The following RALGAPA2 variants were observed in gnomAD, a reference collection of about 807,000 sequenced individuals.
RALGAPA2 encodes the protein Ral GTPase activating protein catalytic subunit alpha 2.
RALGAPA2 carries 139 observed loss-of-function variants against 230.4 expected under a neutral mutation model. The observed-to-expected ratio is 0.60, with a 90% CI of 0.53 to 0.69. RALGAPA2 has a LOEUF of 0.69. Ranked by LOEUF, RALGAPA2 falls within the 30% of genes least tolerant of loss-of-function variation. The probability of loss-of-function intolerance (pLI) is 0.00; values close to 1 mark genes in which losing one functional copy is unlikely to be tolerated. For synonymous variants in RALGAPA2, 847 were observed against 837.8 expected, an observed-to-expected ratio of 1.01 and a Z score of -0.19; for missense variants, 2,163 against 2,276.0, an observed-to-expected ratio of 0.95 and a Z score of 1.01.
chr20:20,613,498 T>C (rs908447663), intron 13 of RALGAPA2, among the ~76,000 whole-genome samples: 1 of 152,226 alleles, frequency 6.6e-6, no homozygotes, highest in African/African-American at 2.4e-5. Flanking sequence ...CAGAGGGGCC[T>C]TTCAGAAGCA....
At chr20:20,625,585 C>T (rs1389795095) in intron 10 of RALGAPA2, among the ~76,000 whole-genome samples, 1 of 152,172 alleles carries the variant, frequency 6.6e-6, no homozygotes, top group Non-Finnish European at 1.5e-5. Context: ...TAGTATTGTA[C>T]ACACATAAAT....
At chr20:20,527,097 C>T (rs574276129) in intron 27 of RALGAPA2, among the ~76,000 whole-genome samples, 28 of 152,224 alleles carry the variant, frequency 1.8e-4, no homozygotes, top group African/African-American at 6.5e-4. Flanking sequence ...GCTTCCCTCC[C>T]TGGCCAGAAC....
chr20:20,433,266 G>C (rs1470147172), intron 37 of RALGAPA2, among the ~76,000 whole-genome samples: 1 of 152,232 alleles, frequency 6.6e-6, no homozygotes, highest in Non-Finnish European at 1.5e-5. Flanking sequence ...TTCAAGATTA[G>C]GTGATAGGCA....
chr20:20,571,659 G>A, intron 22 of RALGAPA2, 46 bp from the exon 23 acceptor site: 1 of 1,575,448 alleles, frequency 6.3e-7, no homozygotes, highest in Non-Finnish European at 8.6e-7. Context: ...CCCAGGTGCA[G>A]AGTATTTCAA....
At chr20:20,568,670 T>C (rs2064527162) in intron 23 of RALGAPA2, among the ~76,000 whole-genome samples, 1 of 152,230 alleles carries the variant, frequency 6.6e-6, no homozygotes, top group African/African-American at 2.4e-5. Context: ...TATTGGTCAC[T>C]ACTGACATAA....
At chr20:20,679,086 A>G (rs2068435177) in intron 2 of RALGAPA2, among the ~76,000 whole-genome samples, 1 of 152,094 alleles carries the variant, frequency 6.6e-6, no homozygotes, top group South Asian at 2.1e-4. Flanking sequence ...TCCCTTGGCA[A>G]TAACACGATT....
chr20:20,426,774 T>G (rs2060390659), intron 37 of RALGAPA2, among the ~76,000 whole-genome samples: 1 of 152,154 alleles, frequency 6.6e-6, no homozygotes, highest in Admixed American at 6.5e-5. Context: ...CTGCAGCAGG[T>G]GAATCAGACT....
chr20:20,635,401 G>C lies in RALGAPA2; in HGVS notation c.1005+17C>G, dbSNP rs758415921. On this transcript the variant is annotated intron_variant, in intron 9 of 39. Coordinates refer to ENST00000202677, the MANE Select transcript of RALGAPA2 (RefSeq NM_020343.4). Reference sequence around the variant, plus strand: ...TTACACAAGCATTAACAGATAAAAAGATGATGGATGGCATACCTGGATGAT... The same window carrying C: ...TTACACAAGCATTAACAGATAAAAACATGATGGATGGCATACCTGGATGAT... The C allele has an allele frequency of 6.4e-7, 1 of 1,570,590 alleles. No homozygotes were observed. The highest frequency in any genetic ancestry group is 2.3e-5 in the East Asian group (1 of 44,078).
intron 20 of RALGAPA2, among the ~76,000 whole-genome samples, chr20:20,573,313 G>T (rs1034867123): frequency 6.6e-6 from 1 of 152,134 alleles, no homozygotes; most frequent in Non-Finnish European, 1.5e-5. Flanking sequence ...ACCCTGTGAT[G>T]GGTTTTATAG....
intron 24 of RALGAPA2, among the ~76,000 whole-genome samples, chr20:20,546,146 T>C (rs1472454713): frequency 6.6e-6 from 1 of 152,152 alleles, no homozygotes; most frequent in East Asian, 1.9e-4. Context: ...AGAGTAAAAA[T>C]AATTTTTTTG....
chr20:20,667,398 A>C (rs2067989748), intron 3 of RALGAPA2, among the ~76,000 whole-genome samples: 1 of 152,186 alleles, frequency 6.6e-6, no homozygotes. Context: ...TGAATCCCAA[A>C]CATAACTACA....
chr20:20,665,337 C>T (rs1011052855), intron 3 of RALGAPA2, among the ~76,000 whole-genome samples: 3 of 152,172 alleles, frequency 2.0e-5, no homozygotes, highest in African/African-American at 7.2e-5. Context: ...ACCAACACAT[C>T]AAGTGGCACA....
intron 26 of RALGAPA2, among the ~76,000 whole-genome samples, chr20:20,534,926 G>A (rs2063461589): frequency 6.6e-6 from 1 of 152,198 alleles, no homozygotes; most frequent in Non-Finnish European, 1.5e-5. Flanking sequence ...CTTAATATTT[G>A]CAAATTATTA....
chr20:20,633,466 A>G (rs2066756160), intron 9 of RALGAPA2, among the ~76,000 whole-genome samples: 1 of 151,184 alleles, frequency 6.6e-6, no homozygotes, highest in African/African-American at 2.4e-5. Context: ...AAGGTAGTCT[A>G]CCACTTCCCA....
intron 1 of RALGAPA2, among the ~76,000 whole-genome samples, chr20:20,688,334 G>A (rs746662835): frequency 3.9e-5 from 6 of 151,966 alleles, no homozygotes; most frequent in Non-Finnish European, 7.4e-5. Context: ...AAGTATCCTG[G>A]ACTGATTATT....
intron 3 of RALGAPA2, among the ~76,000 whole-genome samples, chr20:20,654,472 G>A (rs1175240709): frequency 1.3e-5 from 2 of 152,216 alleles, no homozygotes; most frequent in African/African-American, 4.8e-5. Flanking sequence ...TTACAGGCGT[G>A]GGCCACCACG....
chr20:20,477,590 A>ATTTTCTTT (rs2061680643), intron 36 of RALGAPA2, among the ~76,000 whole-genome samples: 1 of 151,980 alleles, frequency 6.6e-6, no homozygotes, highest in African/African-American at 2.4e-5. Flanking sequence ...CCACTTACAC[A>ATTTTCTTT]TTTTCTTTTT....
intron 15 of RALGAPA2, among the ~76,000 whole-genome samples, chr20:20,604,844 G>A (rs1351162692): frequency 6.6e-6 from 1 of 152,144 alleles, no homozygotes; most frequent in Admixed American, 6.5e-5. Flanking sequence ...GTGATATGGG[G>A]ATAATACAAG....
chr20:20,601,430 T>C (rs1182817618), intron 16 of RALGAPA2, among the ~76,000 whole-genome samples: 2 of 152,254 alleles, frequency 1.3e-5, no homozygotes, highest in Non-Finnish European at 2.9e-5. Context: ...GTATTTTCTC[T>C]ATTTCGCACA....
Sources: allele counts gnomAD v4.1 joint callset (sites outside exome capture counted in the v4.1 genomes callset), GRCh38; gene constraint gnomAD v4.1.1; transcripts MANE v1.5; gene names NCBI Gene and HGNC (gene_info 2026-07-23, HGNC 2026-07-21).